The following SLCO3A1 variants were observed in gnomAD, a reference collection of about 807,000 sequenced individuals.
SLCO3A1 encodes PGE1 transporter.
SLCO3A1 carries 27 observed loss-of-function variants against 63.1 expected under a neutral mutation model. The ratio of observed to expected loss-of-function variants is 0.43; its 90% CI spans 0.32 to 0.59. The LOEUF (loss-of-function observed/expected upper bound fraction) is 0.59. SLCO3A1 is among the 20% of genes least tolerant of loss of function. The probability of loss-of-function intolerance (pLI) is 0.09; values close to 1 mark genes in which losing one functional copy is unlikely to be tolerated. For missense variants in SLCO3A1, 773 were observed against 945.8 expected, an observed-to-expected ratio of 0.82 and a Z score of 2.40; for synonymous variants, 473 against 409.9, an observed-to-expected ratio of 1.15 and a Z score of -1.86.
At chr15:92,034,841 T>C (rs971148790) in intron 2 of SLCO3A1, among the ~76,000 whole-genome samples, 1 of 151,972 alleles carries the variant, frequency 6.6e-6, no homozygotes, top group Non-Finnish European at 1.5e-5. Context: ...AACGCTTCCA[T>C]GTATCAATTC....
intron 2 of SLCO3A1, among the ~76,000 whole-genome samples, chr15:92,090,311 C>G (rs1180094419): frequency 6.6e-6 from 1 of 152,186 alleles, no homozygotes; most frequent in Non-Finnish European, 1.5e-5. Flanking sequence ...CTGTGTTTCC[C>G]TTAGAAACTC....
At chr15:91,871,029 C>G (rs1363313854) in intron 1 of SLCO3A1, among the ~76,000 whole-genome samples, 6 of 152,160 alleles carry the variant, frequency 3.9e-5, no homozygotes. Context: ...TTGACACCTA[C>G]TGTTGCTTTC....
intron 2 of SLCO3A1, among the ~76,000 whole-genome samples, chr15:91,923,678 A>G (rs1431272579): frequency 6.6e-6 from 1 of 152,266 alleles, no homozygotes. Flanking sequence ...ATGTAATAAG[A>G]AAACCTAAAT....
At position 91,885,445 on chromosome 15, in the gene SLCO3A1, G is replaced by A. The variant is rs1003213261; in HGVS notation, c.181-30548G>A. ...CTCCTGTGTTTCAGGAAGAAGCCGGGCAGATGCCTCTTTGTTCCAGCAGCC... is the reference window on the plus strand; with the variant it reads ...CTCCTGTGTTTCAGGAAGAAGCCGGACAGATGCCTCTTTGTTCCAGCAGCC... On this transcript the variant is annotated intron_variant, in intron 1 of 9. Transcript: ENST00000318445. This position sits in a 1 kb window ranked among gnomAD's most constrained non-coding sequence, Gnocchi z 4.7. 2.6e-5 allele frequency among the ~76,000 whole-genome samples: 4 copies of A among 152,218 alleles called. No homozygotes were observed. Among genetic ancestry groups the A allele is most frequent in the African/African-American group, 9.6e-5 (4 of 41,462 alleles).
intron 2 of SLCO3A1, among the ~76,000 whole-genome samples, chr15:92,045,833 G>C (rs572708685): frequency 6.6e-6 from 1 of 152,266 alleles, no homozygotes; most frequent in East Asian, 1.9e-4. Context: ...AAAGTAGATA[G>C]TATCAATATC....
At chr15:92,081,529 C>T (rs1164291924) in intron 2 of SLCO3A1, among the ~76,000 whole-genome samples, 2 of 152,048 alleles carry the variant, frequency 1.3e-5, no homozygotes, top group African/African-American at 2.4e-5. Flanking sequence ...CACCACCATG[C>T]CTGGCTTTTA....
chr15:92,134,144 A>T (rs1160304339), intron 7 of SLCO3A1, among the ~76,000 whole-genome samples: 1 of 152,168 alleles, frequency 6.6e-6, no homozygotes, highest in Non-Finnish European at 1.5e-5. Context: ...CACAGCCCCC[A>T]CCACTGGCCA....
chr15:91,860,568 G>A lies in SLCO3A1; in HGVS notation c.180+6480G>A, dbSNP rs923299711. On this transcript the variant is annotated intron_variant, in intron 1 of 9. Coordinates refer to ENST00000318445, the MANE Select transcript of SLCO3A1 (RefSeq NM_013272.4). The surrounding 1 kb of genome is among the most constrained non-coding windows in gnomAD (Gnocchi z 5.5). ...AATATTGTGTGAGGCCAAGGCTTCT[G>A]TTTCCTAAACTGGTGATCTGGGCTC... Among the ~76,000 whole-genome samples, 5 of 152,250 alleles carry A rather than the reference G, an allele frequency of 3.3e-5. No homozygotes were observed. The highest frequency in any genetic ancestry group is 1.3e-4 in the Admixed American group (2 of 15,292).
intron 7 of SLCO3A1, among the ~76,000 whole-genome samples, chr15:92,135,482 T>C (rs1427342014): frequency 1.3e-5 from 2 of 152,234 alleles, no homozygotes; most frequent in Non-Finnish European, 2.9e-5. Flanking sequence ...TATTTCTTCT[T>C]GCAGTTTTTC....
chr15:91,988,002 A>G (rs1282094397), intron 2 of SLCO3A1, among the ~76,000 whole-genome samples: 3 of 152,212 alleles, frequency 2.0e-5, no homozygotes, highest in Admixed American at 2.0e-4. Flanking sequence ...ATTTTGATTT[A>G]CAAACCCATG....
chr15:91,976,853 G>C (rs1901132755), intron 2 of SLCO3A1, among the ~76,000 whole-genome samples: 1 of 152,100 alleles, frequency 6.6e-6, no homozygotes, highest in Admixed American at 6.5e-5. Context: ...TACTTTACAA[G>C]GTAATAGAAT....
At chr15:91,868,304 G>T (rs1381005609) in intron 1 of SLCO3A1, among the ~76,000 whole-genome samples, 2 of 149,502 alleles carry the variant, frequency 1.3e-5, no homozygotes, top group Non-Finnish European at 3.0e-5. Context: ...CACCTGGCTC[G>T]GCCTCACAAA....
At position 92,165,519 on chromosome 15, in the gene SLCO3A1, G is replaced by GT. The variant is rs913320366; in HGVS notation, c.*2390dup. 4.1e-6 allele frequency: 4 copies of GT among 981,036 alleles called. No homozygotes were observed. The highest frequency in any genetic ancestry group is 3.5e-5 in the African/African-American group (2 of 56,928). The allele number at this position is 981,036 out of a possible 1,614,324, so 60.8% of individuals were successfully genotyped here. The stretch of plus-strand genomic sequence containing the variant: ...TGCTTTGAGAGAAAAAAAAAAGAAA[G>GT]TTTTTTAAACTCTTTGCATTTTGGA... On this transcript the variant is annotated 3_prime_UTR_variant, in exon 10 of 10. Coordinates refer to ENST00000318445, the MANE Select transcript of SLCO3A1 (RefSeq NM_013272.4).
chr15:91,979,893 A>G (rs950053057), intron 2 of SLCO3A1, among the ~76,000 whole-genome samples: 2 of 152,214 alleles, frequency 1.3e-5, no homozygotes, highest in African/African-American at 4.8e-5. Flanking sequence ...CATGGCATTC[A>G]TCAGCTCTAC....
Position 91,856,312 on chromosome 15 carries a change from A to G in SLCO3A1, c.180+2224A>G, listed in dbSNP as rs548436483. ...CTAGGAAATTGAATTCATTTTGATT[A>G]CTAGGAGTGGAGGCATAAGGCTCTA... On this transcript the variant is annotated intron_variant, in intron 1 of 9. Coordinates refer to ENST00000318445, the MANE Select transcript of SLCO3A1 (RefSeq NM_013272.4). The surrounding 1 kb of genome is among the most constrained non-coding windows in gnomAD (Gnocchi z 4.9). Among the ~76,000 whole-genome samples, 1 of 152,258 alleles carries G rather than the reference A, an allele frequency of 6.6e-6. No homozygotes were observed. Among genetic ancestry groups the G allele is most frequent in the African/African-American group, 2.4e-5 (1 of 41,552 alleles).
intron 2 of SLCO3A1, among the ~76,000 whole-genome samples, chr15:91,957,110 ATATATAAT>A (rs1900255421): frequency 1.5e-4 from 1 of 6,672 alleles, no homozygotes; most frequent in Non-Finnish European, 2.1e-4. Flanking sequence ...TAATATATAT[ATATATAAT>A]ATATATAATA....
intron 1 of SLCO3A1, among the ~76,000 whole-genome samples, chr15:91,858,531 A>G (rs1002700578): frequency 3.9e-5 from 6 of 152,188 alleles, no homozygotes; most frequent in African/African-American, 1.2e-4. Flanking sequence ...AAGAAACTGA[A>G]TGAGTTGTAA....
At chr15:91,929,505 G>T (rs1273203245) in intron 2 of SLCO3A1, among the ~76,000 whole-genome samples, 1 of 152,136 alleles carries the variant, frequency 6.6e-6, no homozygotes, top group Admixed American at 6.5e-5. Flanking sequence ...TATGATGACA[G>T]GTTCATATTT....
rs780348380 is a variant in SLCO3A1 at position 91,859,614 on chromosome 15, C to G, written c.180+5526C>G. Among the ~76,000 whole-genome samples, 2 of 152,180 alleles carry G rather than the reference C, an allele frequency of 1.3e-5. No individual in the cohort carries two copies. Among genetic ancestry groups the G allele is most frequent in the Non-Finnish European group, 2.9e-5 (2 of 68,034 alleles). On this transcript the variant is annotated intron_variant, in intron 1 of 9. Transcript: ENST00000318445. The surrounding 1 kb of genome is among the most constrained non-coding windows in gnomAD (Gnocchi z 5.1). ...TGCCTATGTCCTCCCCTTACCTGCT[C>G]TGTGACCTTGAGCTGTTTACTTAAT...
Sources: gnomAD v4.1 joint callset for allele counts (sites outside exome capture counted in the v4.1 genomes callset) on GRCh38, gnomAD v4.1.1 for gene constraint, Gnocchi (gnomAD v3.1) non-coding constraint, MANE v1.5 for transcripts, NCBI Gene and HGNC (gene_info 2026-07-23, HGNC 2026-07-21) for gene names.